Variants in GIMAP1 observed in about 807,000 individuals in gnomAD.
GIMAP1 encodes GTPase IMAP family member 1.
For missense variants in GIMAP1, 423 were observed against 411.9 expected (o/e 1.03, Z -0.23); for synonymous variants, 230 against 187.7 (o/e 1.23, Z -1.84).
chr7:150,719,495 GAGAA>G (rs1241117927), intron 2 of GIMAP1: 1 of 171,836 alleles, frequency 5.8e-6, no homozygotes, highest in Admixed American at 6.1e-5. Flanking sequence ...GAAAGAGGGA[GAGAA>G]AGAGAGAAGA....
In GIMAP1 at chr7:150,719,067, C is replaced by T. The variant is rs574837579; in HGVS notation, c.20C>T (p.Ala7Val). 25 of 1,613,966 alleles carry T rather than the reference C, an allele frequency of 1.5e-5. No homozygotes were observed. The highest frequency in any genetic ancestry group is 8.9e-5 in the East Asian group (4 of 44,888). MGGRKM[A>V]TDEENVYGLE... Reference sequence around the variant, plus strand: ...GTAAGCATGGGAGGAAGGAAGATGGCGACAGATGAAGAAAATGTCTATGGT... The same window carrying T: ...GTAAGCATGGGAGGAAGGAAGATGGTGACAGATGAAGAAAATGTCTATGGT... Residue 7 changes from alanine (A) to valine (V), a missense_variant, in exon 2 of 3, where the codon GCG (alanine) becomes GTG (valine). Coordinates refer to ENST00000307194, the MANE Select transcript of GIMAP1 (RefSeq NM_130759.4).
Position 150,720,558 on chromosome 7 carries a change from T to G in GIMAP1, c.554T>G (p.Val185Gly). The change falls in exon 3 of 3, where the codon GTC (valine) becomes GGC (glycine). Residue 185 changes from valine (V) to glycine (G), a missense_variant. Physicochemically the swap from Val to Gly is moderately radical, Grantham distance 109. Transcript: ENST00000307194. The surrounding 1 kb of genome is among the most constrained non-coding windows in gnomAD (Gnocchi z 4.5). The stretch of plus-strand genomic sequence containing the variant: ...CTGGTGGCCGAGTGCGGGGGCCGGG[T>G]CTGTGCCTTTGATAACCGGGCCACC... ...RELVAECGGR[V>G]CAFDNRATGR... 2 of 1,613,240 alleles carry G rather than the reference T, an allele frequency of 1.2e-6. No individual in the cohort carries two copies. Among genetic ancestry groups the G allele is most frequent in the Non-Finnish European group, 1.7e-6 (2 of 1,179,628 alleles).
In GIMAP1 at chr7:150,718,403, C is replaced by A. The variant is rs79391200; in HGVS notation, c.-6-639C>A. On this transcript the variant is annotated intron_variant, in intron 1 of 2. Coordinates refer to ENST00000307194, the MANE Select transcript of GIMAP1 (RefSeq NM_130759.4). ...ATTTTAAGAAAACAGAGTTAGGGGCCCTCCAGATCTACTTGGGAGATCTGT... is the reference window on the plus strand; with the variant it reads ...ATTTTAAGAAAACAGAGTTAGGGGCACTCCAGATCTACTTGGGAGATCTGT... Among the ~76,000 whole-genome samples the A allele has an allele frequency of 7.0e-3, 1,058 of 152,196 alleles. 10 individuals carry two copies. Among genetic ancestry groups the A allele is most frequent in the Non-Finnish European group, 0.011 (743 of 68,010 alleles).
In GIMAP1 at chr7:150,720,851, G is replaced by A. The variant is rs868391929; in HGVS notation, c.847G>A (p.Gly283Arg). The A allele has an allele frequency of 1.2e-6, 2 of 1,606,114 alleles. No individual in the cohort carries two copies. Among genetic ancestry groups the A allele is most frequent in the Non-Finnish European group, 1.7e-6 (2 of 1,178,814 alleles). ...GAGGCTGGGCCTGGCCCTGCTGCTG[G>A]GGGGCGCGCTCCTGTTCTGGGTGCT... is the stretch of plus-strand genomic sequence containing the variant. ...SWRLGLALLL[G>R]GALLFWVLLH... is the part of the protein sequence containing the mutation. The change falls in exon 3 of 3, where the codon GGG becomes AGG. Residue 283 changes from glycine (G) to arginine (R), a missense_variant. Coordinates refer to ENST00000307194, the MANE Select transcript of GIMAP1 (RefSeq NM_130759.4). This position sits in a 1 kb window ranked among gnomAD's most constrained non-coding sequence, Gnocchi z 4.5.
chr7:150,722,148 A>C lies in GIMAP1; in HGVS notation c.*1223A>C, dbSNP rs1388615545. 6.6e-6 allele frequency: 1 copy of C among 152,246 alleles called. No individual in the cohort carries two copies. Among genetic ancestry groups the C allele is most frequent in the Non-Finnish European group, 1.5e-5 (1 of 68,062 alleles). 9.4% of individuals were successfully genotyped at this position (152,246 alleles called of 1,614,324 possible). On this transcript the variant is annotated 3_prime_UTR_variant, in exon 3 of 3. Coordinates refer to ENST00000307194, the MANE Select transcript of GIMAP1 (RefSeq NM_130759.4). Reference sequence around the variant, plus strand: ...TTCCTTATTTCTATTTCTGAGCATAATGAGAACCCTTTAAGGGAACTCATT... The same window carrying C: ...TTCCTTATTTCTATTTCTGAGCATACTGAGAACCCTTTAAGGGAACTCATT...
rs746750822 is a variant in GIMAP1, at chr7:150,720,914, G to C, written c.910G>C (p.Gly304Arg). The C allele has an allele frequency of 1.9e-6, 3 of 1,561,034 alleles. No individual in the cohort carries two copies. The highest frequency in any genetic ancestry group is 1.7e-6 in the Non-Finnish European group (2 of 1,160,346). Residue 304 changes from glycine (G) to arginine (R), a missense_variant, in exon 3 of 3, where the codon GGG becomes CGG. Gly to Arg is a moderately radical substitution (Grantham distance 125). Transcript: ENST00000307194. This position sits in a 1 kb window ranked among gnomAD's most constrained non-coding sequence, Gnocchi z 4.5. ...RRWSEAVAEV[G>R]PD Reference sequence around the variant, plus strand: ...GTGGTCGGAGGCCGTTGCGGAGGTCGGGCCTGACTGACAGCGCAGGTCCTA... The same window carrying C: ...GTGGTCGGAGGCCGTTGCGGAGGTCCGGCCTGACTGACAGCGCAGGTCCTA...
intron 1 of GIMAP1, among the ~76,000 whole-genome samples, chr7:150,717,190 A>G (rs1797229691): frequency 6.6e-6 from 1 of 152,126 alleles, no homozygotes; most frequent in Non-Finnish European, 1.5e-5. Flanking sequence ...CTTGGTCTTC[A>G]ACCCCTTTCC....
rs1235145159 is a variant in GIMAP1, at chr7:150,720,817, CAGGAGCTGG to C, written c.817_825del (p.Ser273_Arg275del). 1 of 1,599,522 alleles carries C rather than the reference CAGGAGCTGG, an allele frequency of 6.3e-7. No homozygotes were observed. The highest frequency in any genetic ancestry group is 2.3e-5 in the East Asian group (1 of 44,346). Reference sequence around the variant, plus strand: ...GGCTGTGGAAGTGGCTGAAGTCCCCCAGGAGCTGGAGGCTGGGCCTGGCCCTGCTGCTGG... The same window carrying C: ...GGCTGTGGAAGTGGCTGAAGTCCCCCAGGCTGGGCCTGGCCCTGCTGCTGG... On this transcript the variant is annotated inframe_deletion, in exon 3 of 3. Coordinates refer to ENST00000307194, the MANE Select transcript of GIMAP1 (RefSeq NM_130759.4). The surrounding 1 kb of genome is among the most constrained non-coding windows in gnomAD (Gnocchi z 4.5).
intron 2 of GIMAP1, 182 bp downstream of exon 2, chr7:150,719,272 T>G: frequency 1.5e-6 from 1 of 682,310 alleles, no homozygotes; most frequent in Non-Finnish European, 2.4e-6. Flanking sequence ...AGAAGTTAAG[T>G]TCTGTGACTA....
rs772350694 is a variant in GIMAP1, at chr7:150,720,079, G to C, written c.75G>C (p.Glu25Asp). The C allele has an allele frequency of 6.2e-7, 1 of 1,611,708 alleles. No individual in the cohort carries two copies. The highest frequency in any genetic ancestry group is 8.5e-7 in the Non-Finnish European group (1 of 1,178,880). The change falls in exon 3 of 3, where the codon GAG becomes GAC. Residue 25 changes from glutamate (E) to aspartate (D), a missense_variant. Glu to Asp is a conservative substitution (Grantham distance 45). Transcript: ENST00000307194. This position sits in a 1 kb window ranked among gnomAD's most constrained non-coding sequence, Gnocchi z 4.5. ...AAGAGAACGCTCAGTCCCGGCAGGA[G>C]TCCACGCGGAGGCTCATCCTTGTTG... ...GLEENAQSRQ[E>D]STRRLILVGR...
chr7:150,719,646 G>A (rs1211161834), intron 2 of GIMAP1: 4 of 174,786 alleles, frequency 2.3e-5, no homozygotes, highest in Non-Finnish European at 3.6e-5. Context: ...ACGTGGTGGG[G>A]CTGTGATTCA....
rs555254603 is a variant in GIMAP1, at chr7:150,723,033, T to C, written c.*2108T>C. 1.3e-5 allele frequency: 2 copies of C among 152,314 alleles called. No homozygotes were observed. Among genetic ancestry groups the C allele is most frequent in the Admixed American group, 1.3e-4 (2 of 15,304 alleles). The allele number at this position is 152,314 out of a possible 1,614,324, so 9.4% of individuals were successfully genotyped here. On this transcript the variant is annotated 3_prime_UTR_variant, in exon 3 of 3. Transcript: ENST00000307194. ...CTCCTACCTCAGTAATAAAAAGTAG[T>C]AGTATATGGTTAATTGTCAAATACA...
At position 150,722,751 on chromosome 7, in the gene GIMAP1, C is replaced by T. The variant is rs1797325980; in HGVS notation, c.*1826C>T. 2 of 152,264 alleles carry T rather than the reference C, an allele frequency of 1.3e-5. No homozygotes were observed. The allele number at this position is 152,264 out of a possible 1,614,324, so 9.4% of individuals were successfully genotyped here. On this transcript the variant is annotated 3_prime_UTR_variant, in exon 3 of 3. Coordinates refer to ENST00000307194, the MANE Select transcript of GIMAP1 (RefSeq NM_130759.4). Reference sequence around the variant, plus strand: ...CAGCTCGGAAGCAGTACTGCAATCACATTTATACCCACTTTCAACTATATG... The same window carrying T: ...CAGCTCGGAAGCAGTACTGCAATCATATTTATACCCACTTTCAACTATATG...
In GIMAP1 at chr7:150,721,208, A is replaced by T. The variant is rs1797298571; in HGVS notation, c.*283A>T. The T allele has an allele frequency of 3.1e-6, 1 of 324,558 alleles. No homozygotes were observed. Among genetic ancestry groups the T allele is most frequent in the Non-Finnish European group, 5.5e-6 (1 of 180,598 alleles). 20.1% of individuals were successfully genotyped at this position (324,558 alleles called of 1,614,324 possible). A position where few individuals can be genotyped will look rare whatever the true frequency, so the allele number is the denominator to read the frequency against. ...GGTAGTCTAATGTCAAGTAGCTTGT[A>T]GTGGGGACAAACGCATGGCACAGGG... On this transcript the variant is annotated 3_prime_UTR_variant, in exon 3 of 3. Transcript: ENST00000307194.
intron 2 of GIMAP1, chr7:150,719,574 C>T (rs1043879380): frequency 2.4e-5 from 4 of 164,718 alleles, no homozygotes; most frequent in Non-Finnish European, 5.2e-5. Flanking sequence ...TTATCGCTCC[C>T]ACTTTTGCCG....
At position 150,720,236 on chromosome 7, in the gene GIMAP1, G is replaced by A; in HGVS notation, c.232G>A (p.Val78Met). The change falls in exon 3 of 3, where the codon GTG becomes ATG. Residue 78 changes from valine (V) to methionine (M), a missense_variant. Val to Met is a conservative substitution (Grantham distance 21). Transcript: ENST00000307194. This position sits in a 1 kb window ranked among gnomAD's most constrained non-coding sequence, Gnocchi z 4.5. The stretch of plus-strand genomic sequence containing the variant: ...CAGCCGCAGGTGGGACAAGTGCCAC[G>A]TGGAAGTCGTGGACACTCCGGACAT... Reference protein sequence around the residue: ...TGSRRWDKCHVEVVDTPDIFS... With the variant: ...TGSRRWDKCHMEVVDTPDIFS... 6.2e-7 allele frequency: 1 copy of A among 1,614,184 alleles called. No homozygotes were observed. Among genetic ancestry groups the A allele is most frequent in the Middle Eastern group, 1.6e-4 (1 of 6,062 alleles).
chr7:150,719,339 C>T lies in GIMAP1; in HGVS notation c.43+249C>T, dbSNP rs969977816. 6.0e-5 allele frequency: 31 copies of T among 519,860 alleles called. 1 individual carries two copies. Among genetic ancestry groups the T allele is most frequent in the South Asian group, 1.2e-4 (4 of 34,540 alleles). The allele number at this position is 519,860 out of a possible 1,614,324, so 32.2% of individuals were successfully genotyped here. ...AGGATAATAAACCTACTCCGATCAC[C>T]GCAGAAGAAGTGCAGAGGGGATTAA... On this transcript the variant is annotated intron_variant, in intron 2 of 2. Coordinates refer to ENST00000307194, the MANE Select transcript of GIMAP1 (RefSeq NM_130759.4).
chr7:150,720,853 G>A lies in GIMAP1; in HGVS notation c.849G>A (p.Gly283=), dbSNP rs1239930351. Residue 283 remains glycine (G), a synonymous_variant, in exon 3 of 3, where the codon GGG becomes GGA. Coordinates refer to ENST00000307194, the MANE Select transcript of GIMAP1 (RefSeq NM_130759.4). This position sits in a 1 kb window ranked among gnomAD's most constrained non-coding sequence, Gnocchi z 4.5. The part of the protein sequence containing the change: ...SWRLGLALLL[G]GALLFWVLLH... ...GGCTGGGCCTGGCCCTGCTGCTGGGGGGCGCGCTCCTGTTCTGGGTGCTGC... is the reference window on the plus strand; with the variant it reads ...GGCTGGGCCTGGCCCTGCTGCTGGGAGGCGCGCTCCTGTTCTGGGTGCTGC... 3 of 1,606,142 alleles carry A rather than the reference G, an allele frequency of 1.9e-6. No individual in the cohort carries two copies. Among genetic ancestry groups the A allele is most frequent in the Non-Finnish European group, 2.5e-6 (3 of 1,178,834 alleles).
intron 1 of GIMAP1, among the ~76,000 whole-genome samples, chr7:150,718,278 C>T (rs1797245791): frequency 2.6e-5 from 4 of 152,186 alleles, no homozygotes; most frequent in Admixed American, 2.6e-4. Flanking sequence ...AGCATAATCA[C>T]ATTTGGAGGG....
Sources: gnomAD v4.1 joint callset for allele counts (sites outside exome capture counted in the v4.1 genomes callset) on GRCh38, gnomAD v4.1.1 for gene constraint, Gnocchi (gnomAD v3.1) non-coding constraint, MANE v1.5 for transcripts, NCBI Gene and HGNC (gene_info 2026-07-23, HGNC 2026-07-21) for gene names.